IL1RAPL2: variants seen among roughly 807,000 people sequenced by gnomAD.
The protein encoded by IL1RAPL2 is interleukin 1 receptor accessory protein like 2, also known as X-linked interleukin-1 receptor accessory protein-like 2.
In IL1RAPL2, 3 loss-of-function variants were observed where a neutral mutation model predicts 44.1. That is an observed-to-expected ratio of 0.07 (90% CI 0.03 to 0.18). The LOEUF (loss-of-function observed/expected upper bound fraction) is 0.18, where lower values mean the gene tolerates loss of function less well. IL1RAPL2 is among the 10% of genes least tolerant of loss of function. The pLI is 1.00. For missense variants in IL1RAPL2, 391 were observed against 496.4 expected (o/e 0.79, Z 2.02); for synonymous variants, 181 against 178.8 (o/e 1.01, Z -0.10).
At chrX:105,666,238 GT>G (rs762544929) in intron 6 of IL1RAPL2, among the ~76,000 whole-genome samples, 11 of 110,873 alleles carry the variant, frequency 9.9e-5, no homozygotes, top group African/African-American at 3.3e-4. Context: ...CTCTCTCTTT[GT>G]TCCCAGGTGG....
chrX:104,880,875 A>T lies in IL1RAPL2; in HGVS notation c.82+221880A>T, dbSNP rs1334956905. Among the ~76,000 whole-genome samples the T allele has an allele frequency of 2.7e-5, 3 of 111,708 alleles. No individual in the cohort carries two copies. The East Asian group carries it at 8.4e-4, about 31-fold the overall frequency. ...ACGCCATCAACTTTTGAGTCCCATGATTGATTTTTGTAGGCTATTAATGAT... is the reference window on the plus strand; with the variant it reads ...ACGCCATCAACTTTTGAGTCCCATGTTTGATTTTTGTAGGCTATTAATGAT... On this transcript the variant is annotated intron_variant, in intron 2 of 10. Transcript: ENST00000372582.
chrX:105,429,956 T>A (rs2035836987), intron 5 of IL1RAPL2, among the ~76,000 whole-genome samples: 1 of 111,357 alleles, frequency 9.0e-6, no homozygotes, highest in Non-Finnish European at 1.9e-5. Flanking sequence ...TGGTCAACTG[T>A]GATTTTAGAG....
At chrX:104,915,034 A>G (rs1924372804) in intron 2 of IL1RAPL2, among the ~76,000 whole-genome samples, 1 of 111,840 alleles carries the variant, frequency 8.9e-6, no homozygotes, top group East Asian at 2.8e-4. Flanking sequence ...ATACATGTGC[A>G]TGTGTCTTTA....
intron 5 of IL1RAPL2, among the ~76,000 whole-genome samples, chrX:105,285,166 T>C (rs1460537425): frequency 4.5e-5 from 5 of 111,517 alleles, no homozygotes; most frequent in Non-Finnish European, 9.4e-5. Flanking sequence ...TTAACTCAAC[T>C]CAATGAAGAT....
chrX:105,205,635 A>G (rs2033757196), intron 3 of IL1RAPL2, among the ~76,000 whole-genome samples: 1 of 91,149 alleles, frequency 1.1e-5, no homozygotes, highest in African/African-American at 4.1e-5. Context: ...AGTGCTAAAG[A>G]AGGGCAGTTT....
intron 2 of IL1RAPL2, among the ~76,000 whole-genome samples, chrX:104,895,520 A>T (rs1265870553): frequency 1.8e-5 from 2 of 112,615 alleles, no homozygotes; most frequent in Non-Finnish European, 3.8e-5. Context: ...GCTGCCTTGC[A>T]GATCAATCTC....
intron 5 of IL1RAPL2, among the ~76,000 whole-genome samples, chrX:105,428,746 G>T (rs773093347): frequency 1.3e-4 from 14 of 111,500 alleles, no homozygotes; most frequent in Non-Finnish European, 2.3e-4. Context: ...CCCTCCTATA[G>T]AACTAATCAT....
intron 2 of IL1RAPL2, among the ~76,000 whole-genome samples, chrX:105,191,292 T>C (rs1386355090): frequency 8.9e-6 from 1 of 112,774 alleles, no homozygotes; most frequent in Non-Finnish European, 1.9e-5. Flanking sequence ...CTCAGCTTGC[T>C]GCAACCTCCG....
Position 104,623,463 on chromosome X carries a change from G to C in IL1RAPL2, c.-19-35432G>C, listed in dbSNP as rs767853910. 3.6e-5 allele frequency among the ~76,000 whole-genome samples: 4 copies of C among 110,823 alleles called. No homozygotes were observed. In the East Asian group the frequency reaches 8.7e-4, roughly 24 times the overall value. ...GTACATTTCTTTTCAACACTGTGTT[G>C]AATGACATAACATTGGTAGATTGAA... On this transcript the variant is annotated intron_variant, in intron 1 of 10. Coordinates refer to ENST00000372582, the MANE Select transcript of IL1RAPL2 (RefSeq NM_017416.2).
chrX:105,437,332 A>C (rs115034948), intron 5 of IL1RAPL2, among the ~76,000 whole-genome samples: 4,051 of 110,402 alleles, frequency 0.037, 210 homozygotes, highest in African/African-American at 0.13. Context: ...GCAATGCTAC[A>C]AACAGTGTAG....
At chrX:105,216,339 A>G (rs1161009505) in intron 3 of IL1RAPL2, among the ~76,000 whole-genome samples, 2 of 111,128 alleles carry the variant, frequency 1.8e-5, no homozygotes, top group Non-Finnish European at 3.8e-5. Flanking sequence ...GAGCCAAATC[A>G]TGAGTGAACT....
At chrX:105,039,308 G>A (rs183038800) in intron 2 of IL1RAPL2, among the ~76,000 whole-genome samples, 2 of 111,974 alleles carry the variant, frequency 1.8e-5, no homozygotes, top group East Asian at 2.8e-4. Context: ...GGAATATTCT[G>A]CAAAGGGAAG....
chrX:105,385,306 A>T (rs185078878), intron 5 of IL1RAPL2, among the ~76,000 whole-genome samples: 2 of 110,896 alleles, frequency 1.8e-5, no homozygotes, highest in East Asian at 5.7e-4. Context: ...TTCTTAGAAC[A>T]ACCTTATAAG....
At chrX:105,215,480 C>T (rs924122393) in intron 3 of IL1RAPL2, among the ~76,000 whole-genome samples, 3 of 111,435 alleles carry the variant, frequency 2.7e-5, no homozygotes, top group Non-Finnish European at 5.7e-5. Context: ...AGTCTACCAA[C>T]CAAAAAAAGC....
chrX:105,393,721 C>T (rs1272201858), intron 5 of IL1RAPL2, among the ~76,000 whole-genome samples: 1 of 111,533 alleles, frequency 9.0e-6, no homozygotes, highest in Non-Finnish European at 1.9e-5. Context: ...GATGGTTTCC[C>T]TAGTTAAGAG....
intron 6 of IL1RAPL2, among the ~76,000 whole-genome samples, chrX:105,584,506 C>T (rs2037112593): frequency 9.6e-6 from 1 of 104,489 alleles, no homozygotes; most frequent in Non-Finnish European, 2.0e-5. Flanking sequence ...TAACATGTTT[C>T]CTGAGGACAG....
At chrX:104,598,283 G>T (rs1324537898) in intron 1 of IL1RAPL2, among the ~76,000 whole-genome samples, 1 of 111,814 alleles carries the variant, frequency 8.9e-6, no homozygotes, top group East Asian at 2.8e-4. Context: ...GGAAGGCAGA[G>T]GGTTGTAGGT....
At chrX:105,620,769 TAAG>T (rs907293083) in intron 6 of IL1RAPL2, among the ~76,000 whole-genome samples, 2 of 111,138 alleles carry the variant, frequency 1.8e-5, no homozygotes, top group African/African-American at 6.5e-5. Flanking sequence ...TCATTGGAAA[TAAG>T]AAGTTCAAGG....
At chrX:105,729,490 T>TATC (rs1376662159) in intron 7 of IL1RAPL2, among the ~76,000 whole-genome samples, 2 of 111,463 alleles carry the variant, frequency 1.8e-5, no homozygotes, top group Non-Finnish European at 3.8e-5. Flanking sequence ...GTTATCTGTG[T>TATC]ATCTTCTTTG....
Sources: allele counts gnomAD v4.1 joint callset (sites outside exome capture counted in the v4.1 genomes callset), GRCh38; gene constraint gnomAD v4.1.1; transcripts MANE v1.5; gene names NCBI Gene and HGNC (gene_info 2026-07-23, HGNC 2026-07-21).